Variants in SMCHD1 observed in about 807,000 individuals in gnomAD.
SMCHD1 encodes the protein structural maintenance of chromosomes flexible hinge domain-containing protein 1.
Under a neutral mutation model 254.7 loss-of-function variants are expected in SMCHD1, and 78 were observed. That is an observed-to-expected ratio of 0.31 (90% CI 0.26 to 0.37). The LOEUF is 0.37. SMCHD1 is among the 10% of genes least tolerant of loss of function. The probability of loss-of-function intolerance (pLI) is 1.00; values close to 1 mark genes in which losing one functional copy is unlikely to be tolerated. For missense variants in SMCHD1, 1,840 were observed against 2,408.1 expected, an observed-to-expected ratio of 0.76 and a Z score of 4.94; for synonymous variants, 766 against 794.9, an observed-to-expected ratio of 0.96 and a Z score of 0.61.
At chr18:2,771,765 T>C in intron 40 of SMCHD1, 147 bp downstream of exon 40, 1 of 599,844 alleles carries the variant, frequency 1.7e-6, no homozygotes, top group Non-Finnish European at 2.7e-6. Flanking sequence ...TAAAAATGAC[T>C]AACAAAATGA....
At chr18:2,770,910 C>T (rs1386200651) in intron 39 of SMCHD1, among the ~76,000 whole-genome samples, 2 of 152,170 alleles carry the variant, frequency 1.3e-5, no homozygotes, top group African/African-American at 4.8e-5. Context: ...GTGTTAGCCA[C>T]CACACCCAGC....
At chr18:2,799,410 A>G (rs1308280118) in intron 47 of SMCHD1, among the ~76,000 whole-genome samples, 1 of 152,190 alleles carries the variant, frequency 6.6e-6, no homozygotes, top group Non-Finnish European at 1.5e-5. Flanking sequence ...TGATCGTAAA[A>G]TCTTGTATCC....
intron 9 of SMCHD1, among the ~76,000 whole-genome samples, chr18:2,697,507 C>T (rs1199093529): frequency 6.6e-6 from 1 of 152,152 alleles, no homozygotes; most frequent in Admixed American, 6.5e-5. Flanking sequence ...ATCCTCTAAC[C>T]CACACGTTAG....
rs1444195440 is a variant in SMCHD1 at position 2,802,585 on chromosome 18, G to T, written c.*33G>T. 1.3e-6 allele frequency: 2 copies of T among 1,538,718 alleles called. No homozygotes were observed. The highest frequency in any genetic ancestry group is 8.8e-7 in the Non-Finnish European group (1 of 1,140,052). On this transcript the variant is annotated 3_prime_UTR_variant, in exon 48 of 48. Coordinates refer to ENST00000320876, the MANE Select transcript of SMCHD1 (RefSeq NM_015295.3). ...CAGAGAGAAGAGGCCATTGGTCTCAGTAAGAATGCCCTGCTTTCTGCATCT... is the reference window on the plus strand; with the variant it reads ...CAGAGAGAAGAGGCCATTGGTCTCATTAAGAATGCCCTGCTTTCTGCATCT...
chr18:2,688,008 CTCCTT>C (rs2074091171), intron 5 of SMCHD1, among the ~76,000 whole-genome samples: 1 of 152,202 alleles, frequency 6.6e-6, no homozygotes, highest in African/African-American at 2.4e-5. Flanking sequence ...AAGTGAGACT[CTCCTT>C]TGCTCTAATT....
In SMCHD1 at chr18:2,750,386, C is replaced by T; in HGVS notation, c.4044C>T (p.Asn1348=). Residue 1348 remains asparagine (N), a synonymous_variant, in exon 32 of 48, where the codon AAC becomes AAT. Transcript: ENST00000320876. ...EHTLQVKAIY[N]KSIIEGPIIK... is the part of the protein sequence containing the mutation. ...CTCTTCAGGTTAAAGCCATCTATAA[C>T]AAAAGTATCATAGAAGGACCTATAA... The T allele has an allele frequency of 6.2e-7, 1 of 1,612,574 alleles. No individual in the cohort carries two copies. Among genetic ancestry groups the T allele is most frequent in the Non-Finnish European group, 8.5e-7 (1 of 1,179,072 alleles).
intron 47 of SMCHD1, among the ~76,000 whole-genome samples, chr18:2,802,101 G>A (rs2076373795): frequency 6.6e-6 from 1 of 151,748 alleles, no homozygotes; most frequent in African/African-American, 2.4e-5. Flanking sequence ...TGCTCACTGT[G>A]TTCATCTCTA....
chr18:2,721,534 T>C (rs929306677), intron 19 of SMCHD1, among the ~76,000 whole-genome samples: 17 of 152,314 alleles, frequency 1.1e-4, no homozygotes, highest in African/African-American at 4.1e-4. Flanking sequence ...TTTTTGGCTA[T>C]TAGAAACCGT....
intron 45 of SMCHD1, 55 bp from the exon 46 acceptor site, chr18:2,795,894 C>T (rs1204189158): frequency 6.8e-7 from 1 of 1,460,942 alleles, no homozygotes; most frequent in East Asian, 2.5e-5. Flanking sequence ...TCCCCTAAAA[C>T]ATGAGTTTGG....
chr18:2,787,720 C>A (rs2076261750), intron 45 of SMCHD1, among the ~76,000 whole-genome samples: 1 of 152,126 alleles, frequency 6.6e-6, no homozygotes, highest in South Asian at 2.1e-4. Flanking sequence ...CAAATATATT[C>A]AAAGATACAC....
At chr18:2,688,996 G>A (rs1018004586) in intron 7 of SMCHD1, among the ~76,000 whole-genome samples, 4 of 151,984 alleles carry the variant, frequency 2.6e-5, no homozygotes, top group African/African-American at 9.7e-5. Context: ...TAAAATCTTT[G>A]TTGTATAATA....
intron 20 of SMCHD1, among the ~76,000 whole-genome samples, chr18:2,723,635 T>A (rs1264687860): frequency 6.6e-6 from 1 of 152,154 alleles, no homozygotes; most frequent in Non-Finnish European, 1.5e-5. Flanking sequence ...TCCATATGCA[T>A]TCGTTCCAGA....
At chr18:2,739,370 A>G (rs1299241943) in intron 26 of SMCHD1, 62 bp from the exon 27 acceptor site, 1 of 1,136,386 alleles carries the variant, frequency 8.8e-7, no homozygotes, top group Admixed American at 1.7e-5. Flanking sequence ...ATTCTGTAGC[A>G]TGTTGGAACT....
chr18:2,726,570 T>C (rs1366938993), intron 22 of SMCHD1, 46 bp downstream of exon 22: 3 of 970,378 alleles, frequency 3.1e-6, no homozygotes, highest in South Asian at 3.8e-5. Context: ...AATTTTCTTA[T>C]GTTAAAGTAT....
At chr18:2,673,451 A>G (rs990209888) in intron 4 of SMCHD1, 88 bp downstream of exon 4, 3 of 960,142 alleles carry the variant, frequency 3.1e-6, no homozygotes, top group Non-Finnish European at 4.4e-6. Context: ...AATAGAGATA[A>G]AACTAAAAGT....
chr18:2,778,339 A>C, intron 44 of SMCHD1, 100 bp downstream of exon 44: 1 of 793,020 alleles, frequency 1.3e-6, no homozygotes, highest in Non-Finnish European at 1.9e-6. Flanking sequence ...TTTCAAAACC[A>C]ATTTAAATTC....
At chr18:2,788,993 T>A (rs1273173387) in intron 45 of SMCHD1, among the ~76,000 whole-genome samples, 7 of 151,710 alleles carry the variant, frequency 4.6e-5, no homozygotes, top group Non-Finnish European at 8.8e-5. Flanking sequence ...TTCAAATGAA[T>A]ATCACAGCTT....
chr18:2,662,193 AAAT>A lies in SMCHD1; in HGVS notation c.187-3961_187-3959del, dbSNP rs1468137942. Among the ~76,000 whole-genome samples, 37 of 84,756 alleles carry A rather than the reference AAAT, an allele frequency of 4.4e-4. 1 individual carries two copies. The highest frequency in any genetic ancestry group is 4.2e-3 in the African/African-American group (33 of 7,950). 55.6% of individuals were successfully genotyped at this position (84,756 alleles called of 152,430 possible). On this transcript the variant is annotated intron_variant, in intron 1 of 47. Transcript: ENST00000320876. ...AAAAAAAAAAATAAAATAAATAAAT[AAAT>A]AAATAAAGAAAGAAAGAAAGAAAGA...
chr18:2,731,385 G>T (rs1485902006), intron 24 of SMCHD1, among the ~76,000 whole-genome samples: 2 of 152,004 alleles, frequency 1.3e-5, no homozygotes, highest in Non-Finnish European at 2.9e-5. Context: ...GCATAATCTT[G>T]GTCTTTTCTT....
Sources: gnomAD v4.1 joint callset for allele counts (sites outside exome capture counted in the v4.1 genomes callset) on GRCh38, gnomAD v4.1.1 for gene constraint, MANE v1.5 for transcripts, NCBI Gene and HGNC (gene_info 2026-07-23, HGNC 2026-07-21) for gene names.